The following DERA variants were observed in gnomAD, a reference collection of about 807,000 sequenced individuals.
DERA encodes 2-deoxy-D-ribose 5-phosphate aldolase.
Under a neutral mutation model 41.1 loss-of-function variants are expected in DERA, and 15 were observed. The observed-to-expected ratio is 0.37, with a 90% CI of 0.24 to 0.56. DERA has a LOEUF of 0.56. DERA is among the 20% of genes least tolerant of loss of function. The probability of loss-of-function intolerance (pLI) is 0.81; values close to 1 mark genes in which losing one functional copy is unlikely to be tolerated. For synonymous variants in DERA, 139 were observed against 137.4 expected, an observed-to-expected ratio of 1.01 and a Z score of -0.08; for missense variants, 396 against 403.4, an observed-to-expected ratio of 0.98 and a Z score of 0.16.
chr12:16,000,281 T>C lies in DERA; in HGVS notation c.637+17845T>C, dbSNP rs1034065061. On this transcript the variant is annotated intron_variant, in intron 6 of 8. Transcript: ENST00000428559. The surrounding 1 kb of genome is among the most constrained non-coding windows in gnomAD (Gnocchi z 4.8). ...GCAGAACATAGCGCAGTCTAACCGC[T>C]TTTCCTCTACTTTTCTGTTCTTGCA... is the stretch of plus-strand genomic sequence containing the variant. Among the ~76,000 whole-genome samples, 6 of 152,228 alleles carry C rather than the reference T, an allele frequency of 3.9e-5. No individual in the cohort carries two copies. The highest frequency in any genetic ancestry group is 1.4e-4 in the African/African-American group (6 of 41,474).
Position 15,967,178 on chromosome 12 carries a change from CA to C in DERA, c.508+4232del, listed in dbSNP as rs752215827. Among the ~76,000 whole-genome samples, 5 of 151,770 alleles carry C rather than the reference CA, an allele frequency of 3.3e-5. No homozygotes were observed. The highest frequency in any genetic ancestry group is 5.9e-5 in the Non-Finnish European group (4 of 67,946). ...CAGTCTGGGCAACATGGCAAAACCC[CA>C]TCTCTGCATAAAAAAAAAAAAATGC... On this transcript the variant is annotated intron_variant, in intron 5 of 8. Coordinates refer to ENST00000428559, the MANE Select transcript of DERA (RefSeq NM_015954.4). The surrounding 1 kb of genome is among the most constrained non-coding windows in gnomAD (Gnocchi z 4.9).
intron 1 of DERA, among the ~76,000 whole-genome samples, chr12:15,944,214 C>T (rs1409323190): frequency 6.6e-6 from 1 of 152,082 alleles, no homozygotes; most frequent in Non-Finnish European, 1.5e-5. Context: ...TTTATAGCAG[C>T]ATGATTTATA....
In DERA at chr12:15,981,778, T is replaced by G. The variant is rs1948734467; in HGVS notation, c.509-530T>G. Among the ~76,000 whole-genome samples the G allele has an allele frequency of 6.6e-6, 1 of 152,196 alleles. No individual in the cohort carries two copies. Among genetic ancestry groups the G allele is most frequent in the Admixed American group, 6.5e-5 (1 of 15,278 alleles). Reference sequence around the variant, plus strand: ...CTACCTGGCCAGGCCTAACACTTTTTAGTCAGATATATAAACATACTCTGG... The same window carrying G: ...CTACCTGGCCAGGCCTAACACTTTTGAGTCAGATATATAAACATACTCTGG... On this transcript the variant is annotated intron_variant, in intron 5 of 8. Transcript: ENST00000428559. The surrounding 1 kb of genome is among the most constrained non-coding windows in gnomAD (Gnocchi z 6.1).
rs775723334 is a variant in DERA at position 15,984,036 on chromosome 12, T to G, written c.637+1600T>G. Among the ~76,000 whole-genome samples the G allele has an allele frequency of 2.6e-5, 4 of 152,164 alleles. No homozygotes were observed. Among genetic ancestry groups the G allele is most frequent in the Non-Finnish European group, 5.9e-5 (4 of 68,026 alleles). On this transcript the variant is annotated intron_variant, in intron 6 of 8. Transcript: ENST00000428559. The surrounding 1 kb of genome is among the most constrained non-coding windows in gnomAD (Gnocchi z 4.5). ...ACAGGTAGCCCCCCTTTATGCTGCT[T>G]GCCAGCACAAGTGATTGTTAGCCCA...
At chr12:16,034,931 T>C (rs1461618184) in intron 7 of DERA, among the ~76,000 whole-genome samples, 2 of 135,630 alleles carry the variant, frequency 1.5e-5, no homozygotes, top group Non-Finnish European at 3.1e-5. Context: ...TCTCAACAAA[T>C]AACCTCATCC....
intron 5 of DERA, among the ~76,000 whole-genome samples, chr12:15,975,709 T>A (rs1372972142): frequency 6.6e-6 from 1 of 152,286 alleles, no homozygotes. Flanking sequence ...AGATCTCTTT[T>A]ACTGTCTCAG....
rs926672982 is a variant in DERA at position 15,970,168 on chromosome 12, T to A, written c.508+7221T>A. On this transcript the variant is annotated intron_variant, in intron 5 of 8. Transcript: ENST00000428559. This position sits in a 1 kb window ranked among gnomAD's most constrained non-coding sequence, Gnocchi z 4.3. ...TAAAAGGTTGCTGTACAATTTTATA[T>A]TAAGTGTTTTACTGTACATATAATT... 1.8e-4 allele frequency among the ~76,000 whole-genome samples: 28 copies of A among 152,218 alleles called. No individual in the cohort carries two copies. The highest frequency in any genetic ancestry group is 6.8e-4 in the African/African-American group (28 of 41,460).
At position 15,993,163 on chromosome 12, in the gene DERA, C is replaced by T. The variant is rs917976368; in HGVS notation, c.637+10727C>T. ...GTAATACAGAAACAATGAGAGGAAGCGGAGAAATAAGAGAATATAGGGGAA... is the reference window on the plus strand; with the variant it reads ...GTAATACAGAAACAATGAGAGGAAGTGGAGAAATAAGAGAATATAGGGGAA... On this transcript the variant is annotated intron_variant, in intron 6 of 8. Transcript: ENST00000428559. This position sits in a 1 kb window ranked among gnomAD's most constrained non-coding sequence, Gnocchi z 4.4. Among the ~76,000 whole-genome samples the T allele has an allele frequency of 3.3e-5, 5 of 150,444 alleles. No homozygotes were observed. Among genetic ancestry groups the T allele is most frequent in the African/African-American group, 7.3e-5 (3 of 40,832 alleles).
intron 6 of DERA, among the ~76,000 whole-genome samples, chr12:16,016,336 T>C (rs1027786394): frequency 6.6e-6 from 1 of 152,174 alleles, no homozygotes; most frequent in Non-Finnish European, 1.5e-5. Flanking sequence ...AAGTGCAGCA[T>C]TATTTTGGAG....
At chr12:15,952,030 T>G (rs1948501793) in intron 1 of DERA, among the ~76,000 whole-genome samples, 1 of 152,144 alleles carries the variant, frequency 6.6e-6, no homozygotes, top group Admixed American at 6.5e-5. Context: ...GTCCCCTGAC[T>G]ACTGAGACTA....
intron 4 of DERA, among the ~76,000 whole-genome samples, chr12:15,960,656 A>C (rs889648513): frequency 2.7e-5 from 4 of 150,924 alleles, no homozygotes; most frequent in South Asian, 2.1e-4. Flanking sequence ...AAAAAAAAAA[A>C]AAAAAAACAA....
rs1263865097 is a variant in DERA, at chr12:15,993,898, T to C, written c.637+11462T>C. On this transcript the variant is annotated intron_variant, in intron 6 of 8. Coordinates refer to ENST00000428559, the MANE Select transcript of DERA (RefSeq NM_015954.4). This position sits in a 1 kb window ranked among gnomAD's most constrained non-coding sequence, Gnocchi z 4.4. ...GGTGTATTTTGGTACATGCATATCC[T>C]TTTAAAGAAAAGGTTGAGTATATGA... 1.3e-5 allele frequency among the ~76,000 whole-genome samples: 2 copies of C among 152,234 alleles called. No homozygotes were observed. Among genetic ancestry groups the C allele is most frequent in the Non-Finnish European group, 2.9e-5 (2 of 68,048 alleles).
At chr12:16,029,911 G>GGCTT (rs1949079739) in intron 6 of DERA, among the ~76,000 whole-genome samples, 2 of 67,978 alleles carry the variant, frequency 2.9e-5, no homozygotes, top group Admixed American at 1.9e-4. Flanking sequence ...TGTAGCCTTG[G>GGCTT]TCTTTTTTTT....
rs1395499733 is a variant in DERA at position 15,992,970 on chromosome 12, T to C, written c.637+10534T>C. Among the ~76,000 whole-genome samples, 5 of 152,132 alleles carry C rather than the reference T, an allele frequency of 3.3e-5. No individual in the cohort carries two copies. The highest frequency in any genetic ancestry group is 7.4e-5 in the Non-Finnish European group (5 of 68,014). ...GGTTTGAATTGCCGATGAAGATCTG[T>C]GGGAAGAGTACTAACACAAAAATAT... On this transcript the variant is annotated intron_variant, in intron 6 of 8. Coordinates refer to ENST00000428559, the MANE Select transcript of DERA (RefSeq NM_015954.4). This position sits in a 1 kb window ranked among gnomAD's most constrained non-coding sequence, Gnocchi z 4.3.
In DERA at chr12:15,913,184, A is replaced by G. The variant is rs984891780; in HGVS notation, c.31+1770A>G. Among the ~76,000 whole-genome samples, 1 of 152,250 alleles carries G rather than the reference A, an allele frequency of 6.6e-6. No homozygotes were observed. Among genetic ancestry groups the G allele is most frequent in the African/African-American group, 2.4e-5 (1 of 41,466 alleles). The stretch of plus-strand genomic sequence containing the variant: ...TATTTATTTGCAGTAATTAGAATCA[A>G]TCACTTCCATTCATTTGTTGAAAAG... On this transcript the variant is annotated intron_variant, in intron 1 of 8. Coordinates refer to ENST00000428559, the MANE Select transcript of DERA (RefSeq NM_015954.4). This position sits in a 1 kb window ranked among gnomAD's most constrained non-coding sequence, Gnocchi z 4.5.
At chr12:15,963,488 C>CT (rs1183746468) in intron 5 of DERA, among the ~76,000 whole-genome samples, 1 of 152,192 alleles carries the variant, frequency 6.6e-6, no homozygotes, top group Non-Finnish European at 1.5e-5. Context: ...ATCACGTCAG[C>CT]ATACACTAAG....
At chr12:15,955,740 G>A (rs565249274) in intron 1 of DERA, among the ~76,000 whole-genome samples, 2 of 152,240 alleles carry the variant, frequency 1.3e-5, no homozygotes, top group Admixed American at 1.3e-4. Context: ...GAAAATGAGT[G>A]AGAGAAAGAA....
In DERA at chr12:16,036,314, A is replaced by G. The variant is rs771016943; in HGVS notation, c.833A>G (p.Asp278Gly). 15 of 1,613,692 alleles carry G rather than the reference A, an allele frequency of 9.3e-6. No individual in the cohort carries two copies. The South Asian group carries it at 1.6e-4, about 18-fold the overall frequency. ...TCTCTTGTAAAGGAGGAGCTTGGAG[A>G]TGAGTGGCTGAAGCCAGAACTCTTT... ...WLSLVKEELG[D>G]EWLKPELFRI... Residue 278 changes from aspartate to glycine, a missense_variant, in exon 8 of 9, where the codon GAT (aspartate) becomes GGT (glycine). By Grantham distance (94) the Asp-to-Gly change is moderately conservative. Transcript: ENST00000428559. This position sits in a 1 kb window ranked among gnomAD's most constrained non-coding sequence, Gnocchi z 4.9.
At position 15,994,292 on chromosome 12, in the gene DERA, T is replaced by G. The variant is rs1475245494; in HGVS notation, c.637+11856T>G. 1.3e-5 allele frequency among the ~76,000 whole-genome samples: 2 copies of G among 152,212 alleles called. No individual in the cohort carries two copies. The highest frequency in any genetic ancestry group is 2.4e-5 in the African/African-American group (1 of 41,452). ...TAAAGCTGTATTTCCCCTTTAAACA[T>G]TAAGGGATTTTATTTTCTAAGTGAA... On this transcript the variant is annotated intron_variant, in intron 6 of 8. Transcript: ENST00000428559. The surrounding 1 kb of genome is among the most constrained non-coding windows in gnomAD (Gnocchi z 4.8).
Sources: gnomAD v4.1 joint callset for allele counts (sites outside exome capture counted in the v4.1 genomes callset) on GRCh38, gnomAD v4.1.1 for gene constraint, Gnocchi (gnomAD v3.1) non-coding constraint, MANE v1.5 for transcripts, NCBI Gene and HGNC (gene_info 2026-07-23, HGNC 2026-07-21) for gene names.